The following IGSF3 variants were observed in gnomAD, a reference collection of about 807,000 sequenced individuals.
IGSF3 encodes the protein immunoglobulin superfamily member 3.
Under a neutral mutation model 114.4 loss-of-function variants are expected in IGSF3, and 23 were observed. That is an observed-to-expected ratio of 0.20 (90% CI 0.14 to 0.28). The LOEUF (loss-of-function observed/expected upper bound fraction) is 0.28. Among genes scored for constraint, IGSF3 ranks in the 10% least tolerant of loss-of-function variants. IGSF3 has a pLI of 1.00. For missense variants in IGSF3, 1,172 were observed against 1,591.5 expected, an observed-to-expected ratio of 0.74 and a Z score of 4.48; for synonymous variants, 571 against 645.2, an observed-to-expected ratio of 0.88 and a Z score of 1.74.
At chr1:116,580,159 C>A (rs973986868) in intron 9 of IGSF3, among the ~76,000 whole-genome samples, 1 of 152,154 alleles carries the variant, frequency 6.6e-6, no homozygotes, top group East Asian at 1.9e-4. Context: ...TGGAAGAATT[C>A]ATAAGAAGCT....
intron 7 of IGSF3, among the ~76,000 whole-genome samples, chr1:116,591,047 C>A (rs1660091479): frequency 6.7e-6 from 1 of 150,244 alleles, no homozygotes; most frequent in African/African-American, 2.4e-5. Context: ...TGCCACGGCC[C>A]CACCCTCCCG....
chr1:116,578,094 C>T lies in IGSF3; in HGVS notation c.3335-532G>A, dbSNP rs941631045. On this transcript the variant is annotated intron_variant, in intron 10 of 10. Transcript: ENST00000369486. The stretch of plus-strand genomic sequence containing the variant: ...CACTTACAAACGTCCACAGTGTGTC[C>T]GTGGCCACAAAGAACACAGTATTAG... Among the ~76,000 whole-genome samples the T allele has an allele frequency of 7.9e-5, 12 of 152,200 alleles. No individual in the cohort carries two copies. In the East Asian group the frequency reaches 1.7e-3, roughly 22 times the overall value.
chr1:116,599,499 T>C (rs1261425333), intron 7 of IGSF3, among the ~76,000 whole-genome samples: 1 of 152,028 alleles, frequency 6.6e-6, no homozygotes, highest in Non-Finnish European at 1.5e-5. Context: ...TGATCCCTGG[T>C]TGGATCCTAA....
At chr1:116,580,266 G>A (rs1053974785) in intron 9 of IGSF3, among the ~76,000 whole-genome samples, 1 of 152,162 alleles carries the variant, frequency 6.6e-6, no homozygotes, top group East Asian at 1.9e-4. Context: ...CAAAATGCAT[G>A]TCCACCTGGA....
chr1:116,665,411 G>C lies in IGSF3; in HGVS notation c.43+873C>G, dbSNP rs1403700002. 6.6e-6 allele frequency among the ~76,000 whole-genome samples: 1 copy of C among 152,212 alleles called. No individual in the cohort carries two copies. The highest frequency in any genetic ancestry group is 1.5e-5 in the Non-Finnish European group (1 of 68,042). On this transcript the variant is annotated intron_variant, in intron 2 of 10. Coordinates refer to ENST00000369486, the MANE Select transcript of IGSF3 (RefSeq NM_001007237.3). The surrounding 1 kb of genome is among the most constrained non-coding windows in gnomAD (Gnocchi z 4.0). The stretch of plus-strand genomic sequence containing the variant: ...ATGTATGAGGTCTGAGATGGGGAAA[G>C]AGAATGGCACCAAATCCTGGCAATG...
chr1:116,640,759 T>C (rs928061038), intron 2 of IGSF3, among the ~76,000 whole-genome samples: 3 of 152,264 alleles, frequency 2.0e-5, no homozygotes, highest in African/African-American at 4.8e-5. Context: ...TAAATCTTCA[T>C]CCAAGGGTAT....
Position 116,608,146 on chromosome 1 carries a change from A to G in IGSF3, c.1018T>C (p.Phe340Leu), listed in dbSNP as rs1247135762. ...PNAVPVLNSE[F>L]AHREARGQLK... ...TGTCCCCTGGCTTCCCGGTGAGCAA[A>G]TTCGCTGTTGAGGACAGGCACAGCG... The change falls in exon 5 of 11, where the codon TTT becomes CTT. Residue 340 changes from phenylalanine to leucine, a missense_variant. By Grantham distance (22) the Phe-to-Leu change is conservative (BLOSUM62 0). Around this residue, in one of 3 missense-constraint regions of IGSF3, gnomAD observed 736 missense variants for 1,042.0 expected, o/e 0.71. Transcript: ENST00000369486. The G allele has an allele frequency of 6.2e-7, 1 of 1,613,802 alleles. No homozygotes were observed. Among genetic ancestry groups the G allele is most frequent in the Non-Finnish European group, 8.5e-7 (1 of 1,179,756 alleles).
rs1205739700 is a variant in IGSF3, at chr1:116,650,753, T to C, written c.43+15531A>G. On this transcript the variant is annotated intron_variant, in intron 2 of 10. Transcript: ENST00000369486. The surrounding 1 kb of genome is among the most constrained non-coding windows in gnomAD (Gnocchi z 5.0). ...CAACAAATAGCTGTGGAACTACAAATTATCCTGTGGGTGTGAGAAAAGAGT... is the reference window on the plus strand; with the variant it reads ...CAACAAATAGCTGTGGAACTACAAACTATCCTGTGGGTGTGAGAAAAGAGT... Among the ~76,000 whole-genome samples, 1 of 152,228 alleles carries C rather than the reference T, an allele frequency of 6.6e-6. No individual in the cohort carries two copies. Among genetic ancestry groups the C allele is most frequent in the Non-Finnish European group, 1.5e-5 (1 of 68,042 alleles).
In IGSF3 at chr1:116,632,935, C is replaced by T. The variant is rs551637186; in HGVS notation, c.44-16478G>A. On this transcript the variant is annotated intron_variant, in intron 2 of 10. Coordinates refer to ENST00000369486, the MANE Select transcript of IGSF3 (RefSeq NM_001007237.3). This position sits in a 1 kb window ranked among gnomAD's most constrained non-coding sequence, Gnocchi z 5.1. Reference sequence around the variant, plus strand: ...CTCAGGCAAAATTCCAGAAGAGACACTGGGACCTGTGTGGAGAGTTTCTTC... The same window carrying T: ...CTCAGGCAAAATTCCAGAAGAGACATTGGGACCTGTGTGGAGAGTTTCTTC... 6.6e-6 allele frequency among the ~76,000 whole-genome samples: 1 copy of T among 152,366 alleles called. No homozygotes were observed. The highest frequency in any genetic ancestry group is 1.9e-4 in the East Asian group (1 of 5,190).
rs780389217 is a variant in IGSF3 at position 116,588,934 on chromosome 1, T to C, written c.2200A>G (p.Thr734Ala). ...CCGTATTCAAAGGCGGAGTTGTGGG[T>C]GGTCTTCAGGATAAGCTTGCCATCG... ...DADGKLILKT[T>A]HNSAFEYGTY... Residue 734 changes from threonine to alanine, a missense_variant, in exon 8 of 11, where the codon ACC (threonine) becomes GCC (alanine). Coordinates refer to ENST00000369486, the MANE Select transcript of IGSF3 (RefSeq NM_001007237.3). This position sits in a 1 kb window ranked among gnomAD's most constrained non-coding sequence, Gnocchi z 4.9. 1 of 1,614,032 alleles carries C rather than the reference T, an allele frequency of 6.2e-7. No individual in the cohort carries two copies. The highest frequency in any genetic ancestry group is 8.5e-7 in the Non-Finnish European group (1 of 1,180,006).
Position 116,661,590 on chromosome 1 carries a change from C to T in IGSF3, c.43+4694G>A, listed in dbSNP as rs990964422. 6.6e-6 allele frequency among the ~76,000 whole-genome samples: 1 copy of T among 152,160 alleles called. No homozygotes were observed. The highest frequency in any genetic ancestry group is 2.4e-5 in the African/African-American group (1 of 41,432). On this transcript the variant is annotated intron_variant, in intron 2 of 10. Coordinates refer to ENST00000369486, the MANE Select transcript of IGSF3 (RefSeq NM_001007237.3). The surrounding 1 kb of genome is among the most constrained non-coding windows in gnomAD (Gnocchi z 4.0). ...CAAGCCTTCTTAGAAGCCAGAGGCTCGGCTTCAGAGTCAAACGGAATAGCT... is the reference window on the plus strand; with the variant it reads ...CAAGCCTTCTTAGAAGCCAGAGGCTTGGCTTCAGAGTCAAACGGAATAGCT...
rs145922038 is a variant in IGSF3 at position 116,650,100 on chromosome 1, T to A, written c.43+16184A>T. ...AGCTCTGTCTCTGAATAATGTGCTT[T>A]TTGATGATAATCTGAATGGTACAAG... On this transcript the variant is annotated intron_variant, in intron 2 of 10. Transcript: ENST00000369486. The surrounding 1 kb of genome is among the most constrained non-coding windows in gnomAD (Gnocchi z 5.0). Among the ~76,000 whole-genome samples, 4,342 of 152,320 alleles carry A rather than the reference T, an allele frequency of 0.029. 71 individuals carry two copies. Among genetic ancestry groups the A allele is most frequent in the African/African-American group, 0.058 (2,427 of 41,558 alleles).
rs1483931860 is a variant in IGSF3 at position 116,595,706 on chromosome 1, C to A, written c.2029+4235G>T. On this transcript the variant is annotated intron_variant, in intron 7 of 10. Coordinates refer to ENST00000369486, the MANE Select transcript of IGSF3 (RefSeq NM_001007237.3). The surrounding 1 kb of genome is among the most constrained non-coding windows in gnomAD (Gnocchi z 4.2). Reference sequence around the variant, plus strand: ...ATTTTAATGTACAATATTTAATAGCCAAACCAAGATATTGTCATAAACATT... The same window carrying A: ...ATTTTAATGTACAATATTTAATAGCAAAACCAAGATATTGTCATAAACATT... Among the ~76,000 whole-genome samples the A allele has an allele frequency of 6.6e-6, 1 of 152,130 alleles. No homozygotes were observed. Among genetic ancestry groups the A allele is most frequent in the African/African-American group, 2.4e-5 (1 of 41,398 alleles).
chr1:116,630,334 C>T (rs1260096898), intron 2 of IGSF3, among the ~76,000 whole-genome samples: 1 of 152,220 alleles, frequency 6.6e-6, no homozygotes, highest in Non-Finnish European at 1.5e-5. Flanking sequence ...GAGGCTTTCT[C>T]TCTGGTTATC....
rs142892665 is a variant in IGSF3 at position 116,582,979 on chromosome 1, A to G, written c.2848+1666T>C. Among the ~76,000 whole-genome samples the G allele has an allele frequency of 1.3e-5, 2 of 152,244 alleles. No individual in the cohort carries two copies. Among genetic ancestry groups the G allele is most frequent in the Admixed American group, 6.5e-5 (1 of 15,286 alleles). ...TCCAGGCTTGCTCACAGGGTTGAAC[A>G]GGAGGCAGACACAAGGCTAACGGTT... On this transcript the variant is annotated intron_variant, in intron 9 of 10. Transcript: ENST00000369486. This position sits in a 1 kb window ranked among gnomAD's most constrained non-coding sequence, Gnocchi z 4.7.
chr1:116,600,824 A>T lies in IGSF3; in HGVS notation c.1625-479T>A, dbSNP rs552868784. ...TGGTGCCGAGAAGGGAAGCAGATGG[A>T]GTCGGCCTCCAGTCCCTTTCTCACG... On this transcript the variant is annotated intron_variant, in intron 6 of 10. Coordinates refer to ENST00000369486, the MANE Select transcript of IGSF3 (RefSeq NM_001007237.3). This position sits in a 1 kb window ranked among gnomAD's most constrained non-coding sequence, Gnocchi z 5.5. 6.6e-6 allele frequency among the ~76,000 whole-genome samples: 1 copy of T among 152,266 alleles called. No individual in the cohort carries two copies. The highest frequency in any genetic ancestry group is 1.9e-4 in the East Asian group (1 of 5,186).
At chr1:116,590,277 C>T (rs1388680625) in intron 7 of IGSF3, among the ~76,000 whole-genome samples, 1 of 151,778 alleles carries the variant, frequency 6.6e-6, no homozygotes, top group African/African-American at 2.4e-5. Context: ...TAATGAAATC[C>T]ATCTTAGGAA....
rs1474228380 is a variant in IGSF3, at chr1:116,634,630, T to C, written c.44-18173A>G. On this transcript the variant is annotated intron_variant, in intron 2 of 10. Transcript: ENST00000369486. This position sits in a 1 kb window ranked among gnomAD's most constrained non-coding sequence, Gnocchi z 4.2. Reference sequence around the variant, plus strand: ...TGCAATTTCCCCACCTGAGACAAAATGTATTTCCCAAAGTTGGCTTGCAAT... The same window carrying C: ...TGCAATTTCCCCACCTGAGACAAAACGTATTTCCCAAAGTTGGCTTGCAAT... Among the ~76,000 whole-genome samples the C allele has an allele frequency of 2.0e-5, 3 of 152,156 alleles. No homozygotes were observed. The highest frequency in any genetic ancestry group is 4.8e-5 in the African/African-American group (2 of 41,442).
rs1461076541 is a variant in IGSF3 at position 116,662,403 on chromosome 1, T to A, written c.43+3881A>T. Among the ~76,000 whole-genome samples the A allele has an allele frequency of 6.6e-6, 1 of 152,010 alleles. No individual in the cohort carries two copies. Among genetic ancestry groups the A allele is most frequent in the Non-Finnish European group, 1.5e-5 (1 of 67,998 alleles). On this transcript the variant is annotated intron_variant, in intron 2 of 10. Transcript: ENST00000369486. This position sits in a 1 kb window ranked among gnomAD's most constrained non-coding sequence, Gnocchi z 4.3. The stretch of plus-strand genomic sequence containing the variant: ...GTTACTTAACCTCCCTAAGCTTCAA[T>A]CTCCCCATCTATAAAAATGTGATAA...
Sources: allele counts gnomAD v4.1 joint callset (sites outside exome capture counted in the v4.1 genomes callset), GRCh38; gene constraint gnomAD v4.1.1; regional missense constraint gnomAD v4.1.1; non-coding constraint Gnocchi (gnomAD v3.1); transcripts MANE v1.5; gene names NCBI Gene and HGNC (gene_info 2026-07-23, HGNC 2026-07-21).